The following STAT3 variants were observed in gnomAD, a reference collection of about 807,000 sequenced individuals.
STAT3 encodes the protein DNA-binding protein APRF.
STAT3 carries 7 observed loss-of-function variants against 114.3 expected under a neutral mutation model. The observed-to-expected ratio is 0.06, with a 90% CI of 0.03 to 0.11. The LOEUF (loss-of-function observed/expected upper bound fraction) is 0.11, where lower values mean the gene tolerates loss of function less well. Among genes scored for constraint, STAT3 ranks in the 10% least tolerant of loss-of-function variants. STAT3 has a pLI of 1.00. For missense variants in STAT3, 364 were observed against 960.9 expected (o/e 0.38, Z 8.21); for synonymous variants, 331 against 354.5 (o/e 0.93, Z 0.74).
In STAT3 at chr17:42,333,784, G is replaced by A; in HGVS notation, c.957-19C>T. On this transcript the variant is annotated intron_variant, in intron 9 of 23. Coordinates refer to ENST00000264657, the MANE Select transcript of STAT3 (RefSeq NM_139276.3). This position sits in a 1 kb window ranked among gnomAD's most constrained non-coding sequence, Gnocchi z 5.2. Reference sequence around the variant, plus strand: ...AAAGGCACTGAGGAAAGAGAAGATGGGCTCACGCGCCACGGCCATGACCAG... The same window carrying A: ...AAAGGCACTGAGGAAAGAGAAGATGAGCTCACGCGCCACGGCCATGACCAG... 1 of 1,614,160 alleles carries A rather than the reference G, an allele frequency of 6.2e-7. No individual in the cohort carries two copies. Among genetic ancestry groups the A allele is most frequent in the Non-Finnish European group, 8.5e-7 (1 of 1,180,022 alleles).
intron 1 of STAT3, among the ~76,000 whole-genome samples, chr17:42,373,183 T>C (rs1474493578): frequency 6.6e-6 from 1 of 152,168 alleles, no homozygotes; most frequent in Non-Finnish European, 1.5e-5. Context: ...ACCCTGTCTC[T>C]ATCAAACATA....
At chr17:42,360,907 C>T (rs1419027024) in intron 1 of STAT3, among the ~76,000 whole-genome samples, 1 of 152,066 alleles carries the variant, frequency 6.6e-6, no homozygotes, top group African/African-American at 2.4e-5. Context: ...ATATTTTGCT[C>T]AGCAAGAAGA....
Position 42,333,221 on chromosome 17 carries a change from G to T in STAT3, c.1049+452C>A, listed in dbSNP as rs17881320. Among the ~76,000 whole-genome samples, 9,087 of 152,080 alleles carry T rather than the reference G, an allele frequency of 0.06. 348 individuals are homozygous for T. Among genetic ancestry groups the T allele is most frequent in the Non-Finnish European group, 0.09 (6,089 of 67,976 alleles). On this transcript the variant is annotated intron_variant, in intron 10 of 23. Transcript: ENST00000264657. The surrounding 1 kb of genome is among the most constrained non-coding windows in gnomAD (Gnocchi z 5.2). ...TGAGGAGGGAAATTTTGCTGCAGAA[G>T]GTCAAAACCCCAGCACACCTGTTCT...
chr17:42,342,425 G>T (rs2082481795), intron 4 of STAT3, among the ~76,000 whole-genome samples: 1 of 151,996 alleles, frequency 6.6e-6, no homozygotes, highest in Admixed American at 6.6e-5. Flanking sequence ...AGAGGTTGCA[G>T]TGGGCCGAAA....
rs536106588 is a variant in STAT3, at chr17:42,362,017, G to C, written c.-23-13478C>G. On this transcript the variant is annotated intron_variant, in intron 1 of 23. Coordinates refer to ENST00000264657, the MANE Select transcript of STAT3 (RefSeq NM_139276.3). ...CTGACTGAAGGGCAAAGGTGACTCA[G>C]AGAAAGGGAGGAGTAAGTGACAACC... 2.0e-5 allele frequency among the ~76,000 whole-genome samples: 3 copies of C among 152,300 alleles called. No homozygotes were observed. In the South Asian group the frequency reaches 6.2e-4, roughly 32 times the overall value.
intron 1 of STAT3, among the ~76,000 whole-genome samples, chr17:42,383,219 G>A (rs374381056): frequency 1.4e-4 from 22 of 152,086 alleles, no homozygotes; most frequent in African/African-American, 5.3e-4. Context: ...ACCACACCTG[G>A]CTAATTTTTG....
In STAT3 at chr17:42,388,428, T is replaced by A; in HGVS notation, c.-173A>T. ...TGTCCAGGATCCGGTTGGGGCTTGT[T>A]CCCTCGGCTGCGACGTCGGAACCCC... On this transcript the variant is annotated 5_prime_UTR_variant, in exon 1 of 24. Transcript: ENST00000264657. 3 of 1,231,712 alleles carry A rather than the reference T, an allele frequency of 2.4e-6. No individual in the cohort carries two copies. In the South Asian group the frequency reaches 1.2e-4, roughly 51 times the overall value. The allele number at this position is 1,231,712 out of a possible 1,614,324, so 76.3% of individuals were successfully genotyped here.
intron 11 of STAT3, 107 bp from the exon 12 acceptor site, chr17:42,329,883 G>A: frequency 8.0e-7 from 1 of 1,256,498 alleles, no homozygotes; most frequent in South Asian, 1.3e-5. Flanking sequence ...TGTGCTCCTG[G>A]GCATTTCTTT....
At chr17:42,348,620 G>A in intron 1 of STAT3, 81 bp from the exon 2 acceptor site, 1 of 1,530,792 alleles carries the variant, frequency 6.5e-7, no homozygotes, top group East Asian at 2.3e-5. Flanking sequence ...CCCAACACAG[G>A]TGTCAGGTCT....
intron 21 of STAT3, among the ~76,000 whole-genome samples, chr17:42,320,912 A>G (rs1158127126): frequency 6.6e-6 from 1 of 150,792 alleles, no homozygotes; most frequent in Non-Finnish European, 1.5e-5. Flanking sequence ...AGCTGCAGAG[A>G]TTACAGTTTT....
chr17:42,318,633 G>A (rs1167394697), intron 21 of STAT3, among the ~76,000 whole-genome samples: 1 of 152,154 alleles, frequency 6.6e-6, no homozygotes, highest in Non-Finnish European at 1.5e-5. Context: ...GAAATCTGGG[G>A]AATTCAGGTG....
At chr17:42,383,641 C>T (rs1451513731) in intron 1 of STAT3, among the ~76,000 whole-genome samples, 1 of 152,118 alleles carries the variant, frequency 6.6e-6, no homozygotes, top group Non-Finnish European at 1.5e-5. Context: ...GAGTATATAA[C>T]CACCATATTA....
chr17:42,346,736 A>C, intron 2 of STAT3, 23 bp from the exon 3 acceptor site: 1 of 1,614,158 alleles, frequency 6.2e-7, no homozygotes, highest in Non-Finnish European at 8.5e-7. Flanking sequence ...AGAATGATAA[A>C]GAATGGCTCT....
intron 1 of STAT3, among the ~76,000 whole-genome samples, chr17:42,381,184 A>T (rs942177043): frequency 6.6e-6 from 1 of 152,252 alleles, no homozygotes; most frequent in Non-Finnish European, 1.5e-5. Context: ...ACTTTGGACC[A>T]TGAAACCCTC....
Position 42,366,970 on chromosome 17 carries a change from G to A in STAT3, c.-23-18431C>T, listed in dbSNP as rs937816230. On this transcript the variant is annotated intron_variant, in intron 1 of 23. Transcript: ENST00000264657. ...AGCCTGGCCAACAAGGTGAAATCCCGTTTCTACTAAAAATACAAAAATTAG... is the reference window on the plus strand; with the variant it reads ...AGCCTGGCCAACAAGGTGAAATCCCATTTCTACTAAAAATACAAAAATTAG... 3.3e-5 allele frequency among the ~76,000 whole-genome samples: 5 copies of A among 151,944 alleles called. No individual in the cohort carries two copies. In the South Asian group the frequency reaches 6.2e-4, roughly 19 times the overall value.
At chr17:42,339,181 G>A in intron 5 of STAT3, 133 bp downstream of exon 5, 7 of 846,428 alleles carry the variant, frequency 8.3e-6, no homozygotes, top group South Asian at 5.9e-5. Flanking sequence ...GCTTGGGCCT[G>A]AGAGGTCGAG....
intron 4 of STAT3, among the ~76,000 whole-genome samples, chr17:42,340,718 G>A (rs2082410518): frequency 6.6e-6 from 1 of 152,114 alleles, no homozygotes; most frequent in Non-Finnish European, 1.5e-5. Flanking sequence ...TTGGGAAGGT[G>A]ACCCATGCCC....
At chr17:42,346,843 T>C (rs1387325725) in intron 2 of STAT3, 130 bp from the exon 3 acceptor site, 1 of 1,237,150 alleles carries the variant, frequency 8.1e-7, no homozygotes, top group African/African-American at 1.5e-5. Flanking sequence ...CCATTCATCA[T>C]GTTAGATTCT....
chr17:42,326,246 G>A, intron 14 of STAT3, 47 bp from the exon 15 acceptor site: 1 of 1,563,582 alleles, frequency 6.4e-7, no homozygotes, highest in Non-Finnish European at 8.8e-7. Context: ...GGTGGCTCAT[G>A]CCTGTAATCC....
Sources: allele counts gnomAD v4.1 joint callset (sites outside exome capture counted in the v4.1 genomes callset), GRCh38; gene constraint gnomAD v4.1.1; non-coding constraint Gnocchi (gnomAD v3.1); transcripts MANE v1.5; gene names NCBI Gene and HGNC (gene_info 2026-07-23, HGNC 2026-07-21).